Variants in LAMA5 observed in about 807,000 individuals in gnomAD.
LAMA5 encodes laminin subunit alpha 5.
Under a neutral mutation model 433.4 loss-of-function variants are expected in LAMA5, and 260 were observed. The observed-to-expected ratio is 0.60, with a 90% CI of 0.54 to 0.66. The LOEUF (loss-of-function observed/expected upper bound fraction) is 0.66, where lower values mean the gene tolerates loss of function less well. Ranked by LOEUF, LAMA5 falls within the 30% of genes least tolerant of loss-of-function variation. LAMA5 has a pLI of 0.00. For synonymous variants in LAMA5, 2,620 were observed against 2,226.6 expected (o/e 1.18, Z -4.97); for missense variants, 5,378 against 5,258.5 (o/e 1.02, Z -0.70).
intron 11 of LAMA5, among the ~76,000 whole-genome samples, chr20:62,342,949 G>GTGAATACT (rs1982818283): frequency 6.6e-6 from 1 of 152,246 alleles, no homozygotes; most frequent in Non-Finnish European, 1.5e-5. Context: ...CACATTGAAA[G>GTGAATACT]TGAATACTGT....
chr20:62,337,030 C>G, intron 16 of LAMA5: 1 of 668,598 alleles, frequency 1.5e-6, no homozygotes. Flanking sequence ...GTGGGGTACC[C>G]GTGTACATTC....
In LAMA5 at chr20:62,324,292, T is replaced by C. The variant is rs1360922062; in HGVS notation, c.5644-88A>G. On this transcript the variant is annotated intron_variant, in intron 42 of 79. Transcript: ENST00000252999. This position sits in a 1 kb window ranked among gnomAD's most constrained non-coding sequence, Gnocchi z 4.4. ...AGCTCCCACCACCCCTGCCTCAGACTCTGTGCCCAAGGCCAGATGGTCCCC... is the reference window on the plus strand; with the variant it reads ...AGCTCCCACCACCCCTGCCTCAGACCCTGTGCCCAAGGCCAGATGGTCCCC... 4 of 1,528,192 alleles carry C rather than the reference T, an allele frequency of 2.6e-6. No individual in the cohort carries two copies. The East Asian group carries it at 9.3e-5, about 35-fold the overall frequency. The allele number at this position is 1,528,192 out of a possible 1,614,324, so 94.7% of individuals were successfully genotyped here.
chr20:62,309,240 A>T lies in LAMA5; in HGVS notation c.*96T>A. On this transcript the variant is annotated 3_prime_UTR_variant, in exon 80 of 80. Transcript: ENST00000252999. ...TTCAGAAACAAGATCTGTCACCCGT[A>T]GAGCTTAGAGTCCAAATAGACACCT... The T allele has an allele frequency of 1.7e-6, 2 of 1,212,122 alleles. No homozygotes were observed. The highest frequency in any genetic ancestry group is 2.3e-6 in the Non-Finnish European group (2 of 881,898). The allele number at this position is 1,212,122 out of a possible 1,614,324, so 75.1% of individuals were successfully genotyped here.
Position 62,310,791 on chromosome 20 carries a change from CA to C in LAMA5, c.10319del (p.Val3440GlyfsTer44). On this transcript the variant is annotated frameshift_variant, in exon 75 of 80. Coordinates refer to ENST00000252999, the MANE Select transcript of LAMA5 (RefSeq NM_005560.6). LOFTEE classifies it high-confidence loss of function. ...VRWEKNRILLVTDGARAWSQE... is the reference protein window; with the variant it reads ...VRWEKNRILLXTDGARAWSQE... ...GGCTCCAGGCCCGGGCCCCGTCCGT[CA>C]CCAGCAGGATCCGGTTCTTCTCCCA... 6.4e-7 allele frequency: 1 copy of C among 1,552,688 alleles called. No individual in the cohort carries two copies. Among genetic ancestry groups the C allele is most frequent in the Non-Finnish European group, 8.7e-7 (1 of 1,149,276 alleles).
At position 62,312,163 on chromosome 20, in the gene LAMA5, G is replaced by A. The variant is rs1015655131; in HGVS notation, c.9504+10C>T. 7 of 1,610,880 alleles carry A rather than the reference G, an allele frequency of 4.3e-6. No homozygotes were observed. The highest frequency in any genetic ancestry group is 5.9e-6 in the Non-Finnish European group (7 of 1,179,250). On this transcript the variant is annotated intron_variant, in intron 69 of 79. Coordinates refer to ENST00000252999, the MANE Select transcript of LAMA5 (RefSeq NM_005560.6). ...CGGGGTGGGGAATGGGCACGGGTGT[G>A]AGGTCTCACCGGGGACGCCCGGTAG...
intron 6 of LAMA5, among the ~76,000 whole-genome samples, chr20:62,348,272 T>C (rs577325707): frequency 6.6e-6 from 1 of 152,100 alleles, no homozygotes; most frequent in Admixed American, 6.5e-5. Context: ...AGTAATCTAG[T>C]AGAAGCCAGG....
At chr20:62,344,233 C>T (rs751045658) in intron 11 of LAMA5, among the ~76,000 whole-genome samples, 3 of 151,336 alleles carry the variant, frequency 2.0e-5, no homozygotes, top group Non-Finnish European at 4.4e-5. Flanking sequence ...TTGTATGTCC[C>T]GTCATGAAAG....
chr20:62,335,157 C>T (rs1480726396), intron 19 of LAMA5, 31 bp from the exon 20 acceptor site: 2 of 1,612,362 alleles, frequency 1.2e-6, no homozygotes, highest in Non-Finnish European at 1.7e-6. Flanking sequence ...TGAAGTGGGG[C>T]AGGGGAGGGT....
Position 62,338,342 on chromosome 20 carries a change from G to A in LAMA5, c.1646C>T (p.Ala549Val), listed in dbSNP as rs1303506356. 1.2e-6 allele frequency: 2 copies of A among 1,608,872 alleles called. No individual in the cohort carries two copies. Among genetic ancestry groups the A allele is most frequent in the Non-Finnish European group, 1.7e-6 (2 of 1,177,932 alleles). ...QPCQCSSPGV[A>V]DDRCDPDTGQ... ...TGTGTCAGGGTCACAGCGGTCATCG[G>A]CCACTCCAGGGCTGGAACACTGGCA... Residue 549 changes from alanine (A) to valine (V), a missense_variant, in exon 13 of 80, where the codon GCC (alanine) becomes GTC (valine). Physicochemically the swap from Ala to Val is moderately conservative, Grantham distance 64. Transcript: ENST00000252999.
At position 62,338,007 on chromosome 20, in the gene LAMA5, T is replaced by C; in HGVS notation, c.1891+9A>G. The stretch of plus-strand genomic sequence containing the variant: ...GCAGAACCCCTTCCTGCCCTGACCC[T>C]CTGCTCACCTTGGCAGTTGGGGAAA... On this transcript the variant is annotated intron_variant, in intron 14 of 79. Coordinates refer to ENST00000252999, the MANE Select transcript of LAMA5 (RefSeq NM_005560.6). 1 of 1,594,902 alleles carries C rather than the reference T, an allele frequency of 6.3e-7. No homozygotes were observed. Among genetic ancestry groups the C allele is most frequent in the African/African-American group, 1.3e-5 (1 of 74,650 alleles).
At chr20:62,326,562 C>G in intron 40 of LAMA5, 115 bp downstream of exon 40, 1 of 804,454 alleles carries the variant, frequency 1.2e-6, no homozygotes, top group Non-Finnish European at 2.0e-6. Flanking sequence ...CGCTTCTGCT[C>G]CTGGGCTGTT....
At position 62,318,573 on chromosome 20, in the gene LAMA5, G is replaced by A. The variant is rs781548163; in HGVS notation, c.7120C>T (p.Leu2374=). ...ATGAGGCCGGCCTCGTGCTGGGCCA[G>A]CCGGTCGCGGGTTTGTGTGGCCAGT... is the stretch of plus-strand genomic sequence containing the variant. The part of the protein sequence containing the change: ...QALATQTRDR[L]AQHEAGLMDL... The change falls in exon 53 of 80, where the codon CTG becomes TTG. Residue 2374 remains leucine, a synonymous_variant. Coordinates refer to ENST00000252999, the MANE Select transcript of LAMA5 (RefSeq NM_005560.6). The A allele has an allele frequency of 3.1e-6, 5 of 1,610,444 alleles. No individual in the cohort carries two copies. The East Asian group carries it at 1.1e-4, about 36-fold the overall frequency.
At chr20:62,319,084 C>T (rs949010496) in intron 51 of LAMA5, 71 bp from the exon 52 acceptor site, 4 of 1,410,898 alleles carry the variant, frequency 2.8e-6, no homozygotes, top group Non-Finnish European at 3.7e-6. Context: ...GGCTTCCAAG[C>T]CCAAGACCCC....
In LAMA5 at chr20:62,316,883, G is replaced by T; in HGVS notation, c.7652C>A (p.Ala2551Glu). ...QALQQADHTW[A>E]TVVRQGLVDR... ...CTGAGGGGAAGTGAGGGGCCTCACCGCCCACGTGTGGTCCGCCTGCTGCAG... is the reference window on the plus strand; with the variant it reads ...CTGAGGGGAAGTGAGGGGCCTCACCTCCCACGTGTGGTCCGCCTGCTGCAG... Residue 2551 changes from alanine to glutamate, a missense_variant and splice_region_variant, in exon 56 of 80, where the codon GCG becomes GAG. Transcript: ENST00000252999. 6.5e-7 allele frequency: 1 copy of T among 1,529,956 alleles called. No individual in the cohort carries two copies. The highest frequency in any genetic ancestry group is 1.2e-5 in the South Asian group (1 of 82,980). The allele number at this position is 1,529,956 out of a possible 1,614,324, so 94.8% of individuals were successfully genotyped here.
At position 62,314,351 on chromosome 20, in the gene LAMA5, G is replaced by A. The variant is rs1048180546; in HGVS notation, c.8457C>T (p.Ser2819=). 1 of 1,613,390 alleles carries A rather than the reference G, an allele frequency of 6.2e-7. No homozygotes were observed. The highest frequency in any genetic ancestry group is 2.2e-5 in the East Asian group (1 of 44,874). ...ACTGCTCCCCAATGTCCTCATCGAT[G>A]CTTAGGACTGCAGGGCCCGCCTCAC... ...QLGEAGPAVL[S]IDEDIGEQFA... The change falls in exon 62 of 80, where the codon AGC becomes AGT. Residue 2819 remains serine, a synonymous_variant. Transcript: ENST00000252999.
intron 16 of LAMA5, 179 bp from the exon 17 acceptor site, chr20:62,336,965 G>C: frequency 1.4e-6 from 1 of 706,408 alleles, no homozygotes; most frequent in South Asian, 1.5e-5. Flanking sequence ...AGCAACGGAC[G>C]TGCCATCCCA....
In LAMA5 at chr20:62,329,258, G is replaced by A. The variant is rs1188352235; in HGVS notation, c.4120-5C>T. 10 of 1,604,230 alleles carry A rather than the reference G, an allele frequency of 6.2e-6. No homozygotes were observed. The highest frequency in any genetic ancestry group is 2.2e-5 in the South Asian group (2 of 90,842). ...AGGGACCACGAGTACATAATCCTAG[G>A]GGGTGAGGCCTGGTCACTCTCCCGC... is the stretch of plus-strand genomic sequence containing the variant. On this transcript the variant is annotated splice_region_variant and splice_polypyrimidine_tract_variant and intron_variant, in intron 32 of 79. Transcript: ENST00000252999.
intron 7 of LAMA5, 53 bp from the exon 8 acceptor site, chr20:62,346,853 G>A (rs943347407): frequency 5.4e-5 from 86 of 1,602,476 alleles, no homozygotes; most frequent in South Asian, 6.6e-5. Flanking sequence ...CCCGGGCACC[G>A]GGGCCCTCTC....
At position 62,327,401 on chromosome 20, in the gene LAMA5, C is replaced by A; in HGVS notation, c.4944G>T (p.Val1648=). The part of the protein sequence containing the change: ...RSSSYTRQEF[V]DMEGWVLLST... Reference sequence around the variant, plus strand: ...TCAGCAGCACCCATCCCTCCATATCCACGAACTGTGGGCACACACGTGTGG... The same window carrying A: ...TCAGCAGCACCCATCCCTCCATATCAACGAACTGTGGGCACACACGTGTGG... Residue 1648 remains valine (V), a synonymous_variant, in exon 38 of 80, where the codon GTG becomes GTT. Coordinates refer to ENST00000252999, the MANE Select transcript of LAMA5 (RefSeq NM_005560.6). 6.3e-7 allele frequency: 1 copy of A among 1,587,838 alleles called. No individual in the cohort carries two copies. Among genetic ancestry groups the A allele is most frequent in the South Asian group, 1.1e-5 (1 of 87,222 alleles).
Sources: gnomAD v4.1 joint callset for allele counts (sites outside exome capture counted in the v4.1 genomes callset) on GRCh38, gnomAD v4.1.1 for gene constraint, Gnocchi (gnomAD v3.1) non-coding constraint, MANE v1.5 for transcripts, NCBI Gene and HGNC (gene_info 2026-07-23, HGNC 2026-07-21) for gene names.